IRAG1: variants seen among roughly 807,000 people sequenced by gnomAD.
IRAG1 encodes the protein inositol 1,4,5-triphosphate receptor associated 1, also known as IP3R-associated cGMP kinase substrate.
IRAG1 carries 62 observed loss-of-function variants against 106.2 expected under a neutral mutation model. The observed-to-expected ratio is 0.58, with a 90% CI of 0.48 to 0.72. IRAG1 has a LOEUF of 0.72. IRAG1 is among the 30% of genes least tolerant of loss of function. The probability of loss-of-function intolerance (pLI) is 0.00; values close to 1 mark genes in which losing one functional copy is unlikely to be tolerated. For missense variants in IRAG1, 1,064 were observed against 1,140.7 expected, an observed-to-expected ratio of 0.93 and a Z score of 0.97; for synonymous variants, 462 against 443.9, an observed-to-expected ratio of 1.04 and a Z score of -0.51.
intron 17 of IRAG1, among the ~76,000 whole-genome samples, chr11:10,592,800 A>G (rs1852826038): frequency 6.6e-6 from 1 of 152,252 alleles, no homozygotes; most frequent in African/African-American, 2.4e-5. Context: ...CATTGCCTAG[A>G]GATAACCATT....
chr11:10,594,140 G>A lies in IRAG1; in HGVS notation c.2067+6C>T, dbSNP rs200472330. ...AGGAGCCCTGGTATTCCTTGAACATGCATACCTTTCCCAGCGTGAGGGACA... is the reference window on the plus strand; with the variant it reads ...AGGAGCCCTGGTATTCCTTGAACATACATACCTTTCCCAGCGTGAGGGACA... On this transcript the variant is annotated splice_donor_region_variant and intron_variant, in intron 16 of 20. Coordinates refer to ENST00000423302, the MANE Select transcript of IRAG1 (RefSeq NM_130385.4). 3.0e-4 allele frequency: 474 copies of A among 1,604,510 alleles called. No individual in the cohort carries two copies. The highest frequency in any genetic ancestry group is 3.6e-4 in the Non-Finnish European group (422 of 1,175,498).
At position 10,594,131 on chromosome 11, in the gene IRAG1, C is replaced by A. The variant is rs1852995234; in HGVS notation, c.2067+15G>T. 2 of 1,599,810 alleles carry A rather than the reference C, an allele frequency of 1.3e-6. No homozygotes were observed. The highest frequency in any genetic ancestry group is 1.7e-6 in the Non-Finnish European group (2 of 1,172,970). ...ACTCCTTCCAGGAGCCCTGGTATTC[C>A]TTGAACATGCATACCTTTCCCAGCG... is the stretch of plus-strand genomic sequence containing the variant. On this transcript the variant is annotated intron_variant, in intron 16 of 20. Transcript: ENST00000423302.
In IRAG1 at chr11:10,626,576, G is replaced by T; in HGVS notation, c.758C>A (p.Pro253His). The T allele has an allele frequency of 2.5e-6, 4 of 1,600,344 alleles. No individual in the cohort carries two copies. The highest frequency in any genetic ancestry group is 3.4e-6 in the Non-Finnish European group (4 of 1,171,724). The change falls in exon 9 of 21, where the codon CCC becomes CAC. Residue 253 changes from proline (P) to histidine (H), a missense_variant. Transcript: ENST00000423302. ...CTGCTTCCTGTCAGCTAGCCCTTTGGGGACGTTCTGAAAAAGACAAGGTAG... is the reference window on the plus strand; with the variant it reads ...CTGCTTCCTGTCAGCTAGCCCTTTGTGGACGTTCTGAAAAAGACAAGGTAG... ...SSPHPGEPNV[P>H]KGLADRKQND...
rs1372293717 is a variant in IRAG1 at position 10,635,060 on chromosome 11, TAC to T, written c.226-991_226-990del. On this transcript the variant is annotated intron_variant, in intron 2 of 20. Transcript: ENST00000423302. ...CACTAGCAATGCAGGAAAAGAATGGTACAGAGTCCTCAGATTGAGGCCAGCCT... is the reference window on the plus strand; with the variant it reads ...CACTAGCAATGCAGGAAAAGAATGGTAGAGTCCTCAGATTGAGGCCAGCCT... 2.0e-5 allele frequency among the ~76,000 whole-genome samples: 3 copies of T among 152,108 alleles called. No individual in the cohort carries two copies. In the East Asian group the frequency reaches 5.8e-4, roughly 29 times the overall value.
intron 1 of IRAG1, among the ~76,000 whole-genome samples, chr11:10,684,475 G>A (rs965511747): frequency 2.0e-5 from 3 of 151,888 alleles, no homozygotes; most frequent in South Asian, 2.1e-4. Flanking sequence ...GGAGAGCGGG[G>A]AGGGAGAGCA....
intron 1 of IRAG1, 51 bp from the exon 2 acceptor site, chr11:10,652,233 A>T (rs748124282): frequency 6.3e-7 from 1 of 1,599,404 alleles, no homozygotes; most frequent in Admixed American, 1.7e-5. Context: ...CCCTGTCCCA[A>T]GCTGGGTTCC....
chr11:10,605,109 C>T (rs556974826), intron 12 of IRAG1, among the ~76,000 whole-genome samples: 16 of 152,306 alleles, frequency 1.1e-4, no homozygotes, highest in African/African-American at 3.9e-4. Flanking sequence ...TTCGGTTAAG[C>T]TTTCTGGAAT....
chr11:10,597,225 G>T (rs559594596), intron 15 of IRAG1, among the ~76,000 whole-genome samples: 3 of 152,274 alleles, frequency 2.0e-5, no homozygotes, highest in Admixed American at 6.5e-5. Flanking sequence ...TTGAGTTTTT[G>T]ATTTCTGTGA....
chr11:10,692,825 G>A (rs1862165499), intron 1 of IRAG1, among the ~76,000 whole-genome samples: 1 of 152,180 alleles, frequency 6.6e-6, no homozygotes, highest in Non-Finnish European at 1.5e-5. Context: ...TCTGGCCTCT[G>A]GCTTCCACTG....
Position 10,576,253 on chromosome 11 carries a change from T to G in IRAG1, c.*79A>C. 2 of 1,583,152 alleles carry G rather than the reference T, an allele frequency of 1.3e-6. No individual in the cohort carries two copies. Among genetic ancestry groups the G allele is most frequent in the Non-Finnish European group, 1.7e-6 (2 of 1,161,798 alleles). ...GGGATGGGCGGCAGTGTGTCCACAC[T>G]TGGGCCTGACGTTATACTTGGGGAA... On this transcript the variant is annotated 3_prime_UTR_variant, in exon 21 of 21. Coordinates refer to ENST00000423302, the MANE Select transcript of IRAG1 (RefSeq NM_130385.4).
chr11:10,650,724 C>A (rs569096001), intron 2 of IRAG1, among the ~76,000 whole-genome samples: 1 of 152,262 alleles, frequency 6.6e-6, no homozygotes, highest in East Asian at 1.9e-4. Flanking sequence ...GAATGGGGGC[C>A]TGGACTTGAT....
intron 18 of IRAG1, among the ~76,000 whole-genome samples, chr11:10,588,202 C>T (rs1204859886): frequency 1.3e-5 from 2 of 152,214 alleles, no homozygotes; most frequent in Non-Finnish European, 2.9e-5. Context: ...CCATTGTCAT[C>T]GTTATCATTA....
intron 20 of IRAG1, among the ~76,000 whole-genome samples, chr11:10,578,931 C>T (rs762868149): frequency 1.3e-5 from 2 of 152,102 alleles, no homozygotes; most frequent in Admixed American, 6.6e-5. Context: ...TTCACGGGTG[C>T]CAGAGGAAAG....
intron 2 of IRAG1, among the ~76,000 whole-genome samples, chr11:10,645,867 C>T (rs545313845): frequency 1.3e-5 from 2 of 152,194 alleles, no homozygotes; most frequent in East Asian, 1.9e-4. Context: ...AGGAGTATTG[C>T]GAGAATTAAA....
In IRAG1 at chr11:10,592,909, C is replaced by G. The variant is rs923597249; in HGVS notation, c.2175+583G>C. Among the ~76,000 whole-genome samples, 4 of 152,282 alleles carry G rather than the reference C, an allele frequency of 2.6e-5. No homozygotes were observed. The East Asian group carries it at 7.7e-4, about 29-fold the overall frequency. The stretch of plus-strand genomic sequence containing the variant: ...AAAACAGAATTATACTGTTTATACA[C>G]TAGGTTTTGTATATTCTATTTTACT... On this transcript the variant is annotated intron_variant, in intron 17 of 20. Coordinates refer to ENST00000423302, the MANE Select transcript of IRAG1 (RefSeq NM_130385.4).
At chr11:10,595,122 G>A (rs971116395) in intron 15 of IRAG1, among the ~76,000 whole-genome samples, 5 of 151,236 alleles carry the variant, frequency 3.3e-5, no homozygotes, top group Admixed American at 1.3e-4. Context: ...ACAGGGTTTC[G>A]CCATGTTGGC....
intron 10 of IRAG1, among the ~76,000 whole-genome samples, chr11:10,616,719 C>A (rs1855461790): frequency 1.3e-5 from 2 of 152,110 alleles, no homozygotes; most frequent in South Asian, 4.1e-4. Context: ...ACAAGTATAT[C>A]TAGTATAATC....
chr11:10,680,250 G>A (rs1861047311), intron 1 of IRAG1, among the ~76,000 whole-genome samples: 1 of 135,102 alleles, frequency 7.4e-6, no homozygotes. Context: ...TCCAGTCTGG[G>A]CAACAAGAAT....
At chr11:10,658,085 T>C (rs369595516) in intron 1 of IRAG1, among the ~76,000 whole-genome samples, 7 of 152,348 alleles carry the variant, frequency 4.6e-5, no homozygotes, top group African/African-American at 1.7e-4. Context: ...CATGCTCTCA[T>C]GGTCACTCTC....
Sources: allele counts gnomAD v4.1 joint callset (sites outside exome capture counted in the v4.1 genomes callset), GRCh38; gene constraint gnomAD v4.1.1; transcripts MANE v1.5; gene names NCBI Gene and HGNC (gene_info 2026-07-23, HGNC 2026-07-21).